Variants in NFIB observed in about 807,000 individuals in gnomAD.
The protein encoded by NFIB is nuclear factor 1 B-type.
Under a neutral mutation model 61.5 loss-of-function variants are expected in NFIB, and 11 were observed. The observed-to-expected ratio is 0.18, with a 90% CI of 0.11 to 0.30. The LOEUF (loss-of-function observed/expected upper bound fraction) is 0.30, where lower values mean the gene tolerates loss of function less well. NFIB is among the 10% of genes least tolerant of loss of function. NFIB has a pLI of 1.00. For missense variants in NFIB, 471 were observed against 608.9 expected, an observed-to-expected ratio of 0.77 and a Z score of 2.38; for synonymous variants, 260 against 216.5, an observed-to-expected ratio of 1.20 and a Z score of -1.76.
At chr9:14,207,786 A>T (rs2049898837) in intron 2 of NFIB, among the ~76,000 whole-genome samples, 1 of 152,204 alleles carries the variant, frequency 6.6e-6, no homozygotes, top group Non-Finnish European at 1.5e-5. Context: ...ACCAGAGTTC[A>T]AGGTCTGATG....
chr9:14,492,700 C>G, the NFIB span, among the ~76,000 whole-genome samples: 1 of 152,172 alleles, frequency 6.6e-6, no homozygotes, highest in African/African-American at 2.4e-5. Flanking sequence ...ATGATACAAT[C>G]ACCTCCCACC....
intron 3 of NFIB, among the ~76,000 whole-genome samples, chr9:14,158,720 T>C (rs2043768395): frequency 6.6e-6 from 1 of 152,240 alleles, no homozygotes; most frequent in South Asian, 2.1e-4. Flanking sequence ...ACCTCTGTTA[T>C]TCCCTAGAAC....
intron 2 of NFIB, among the ~76,000 whole-genome samples, chr9:14,194,125 T>C (rs1254300773): frequency 6.6e-6 from 1 of 152,248 alleles, no homozygotes; most frequent in Non-Finnish European, 1.5e-5. Context: ...AGTCAATCTA[T>C]GCCACATAAG....
chr9:14,289,463 G>C (rs923286610), intron 2 of NFIB, among the ~76,000 whole-genome samples: 2 of 151,186 alleles, frequency 1.3e-5, no homozygotes, highest in African/African-American at 2.4e-5. Context: ...TCACAAACTA[G>C]GTTCAATATA....
At chr9:14,103,102 T>G (rs1280064210) in intron 10 of NFIB, among the ~76,000 whole-genome samples, 2 of 152,186 alleles carry the variant, frequency 1.3e-5, no homozygotes, top group African/African-American at 4.8e-5. Context: ...AGTTTTATTT[T>G]AAACTCAGAG....
intron 2 of NFIB, among the ~76,000 whole-genome samples, chr9:14,248,326 C>T (rs1412341972): frequency 6.6e-6 from 1 of 150,872 alleles, no homozygotes; most frequent in East Asian, 1.9e-4. Flanking sequence ...CCCTTCCTTC[C>T]TTTCTTCCTT....
At chr9:14,346,395 G>A (rs12338722) in intron 1 of NFIB, among the ~76,000 whole-genome samples, 18 of 150,988 alleles carry the variant, frequency 1.2e-4, no homozygotes, top group Admixed American at 1.3e-4. Context: ...GATAGGAGCC[G>A]TCTGGCCAAG....
chr9:14,086,080 G>C lies in NFIB; in HGVS notation c.*2229C>G, dbSNP rs954595129. On this transcript the variant is annotated 3_prime_UTR_variant, in exon 11 of 11. Coordinates refer to ENST00000380953, the MANE Select transcript of NFIB (RefSeq NM_001190737.2). ...TACTATTGTGTTGTTATGAAAACCA[G>C]TAATGAGTTCAGCTTGCAACCCAGG... is the stretch of plus-strand genomic sequence containing the variant. 2 of 225,656 alleles carry C rather than the reference G, an allele frequency of 8.9e-6. No homozygotes were observed. Among genetic ancestry groups the C allele is most frequent in the African/African-American group, 4.5e-5 (2 of 44,890 alleles). 14.0% of individuals were successfully genotyped at this position (225,656 alleles called of 1,614,324 possible). A position where few individuals can be genotyped will look rare whatever the true frequency, so the allele number is the denominator to read the frequency against.
chr9:14,353,022 G>C (rs929115219), intron 1 of NFIB, among the ~76,000 whole-genome samples: 1 of 152,146 alleles, frequency 6.6e-6, no homozygotes, highest in Non-Finnish European at 1.5e-5. Flanking sequence ...ATTTCTTTCT[G>C]CTGGAGGGCA....
chr9:14,273,277 CA>C (rs2057759037), intron 2 of NFIB, among the ~76,000 whole-genome samples: 4 of 152,152 alleles, frequency 2.6e-5, no homozygotes, highest in Non-Finnish European at 5.9e-5. Context: ...CTCTACATGT[CA>C]AACTACAATA....
intron 6 of NFIB, among the ~76,000 whole-genome samples, chr9:14,137,688 A>G (rs2041220716): frequency 6.6e-6 from 1 of 152,208 alleles, no homozygotes; most frequent in African/African-American, 2.4e-5. Flanking sequence ...AGACTAGAAC[A>G]GAACTAAAAG....
chr9:14,148,755 C>A (rs1447606104), intron 5 of NFIB, among the ~76,000 whole-genome samples: 4 of 152,152 alleles, frequency 2.6e-5, no homozygotes, highest in Non-Finnish European at 5.9e-5. Context: ...TGTAGATACT[C>A]ATGATTAATA....
At chr9:14,309,843 T>C (rs750640534) in intron 1 of NFIB, among the ~76,000 whole-genome samples, 3 of 152,210 alleles carry the variant, frequency 2.0e-5, no homozygotes, top group Non-Finnish European at 4.4e-5. Context: ...AAAACACACA[T>C]ATATGCACTC....
the NFIB span, among the ~76,000 whole-genome samples, chr9:14,457,684 T>C: frequency 6.6e-6 from 1 of 151,960 alleles, no homozygotes; most frequent in African/African-American, 2.4e-5. Context: ...ATAAAGGGGT[T>C]ATCACCACCG....
At chr9:14,321,396 G>A (rs1199178790) in intron 1 of NFIB, among the ~76,000 whole-genome samples, 1 of 152,144 alleles carries the variant, frequency 6.6e-6, no homozygotes, top group Non-Finnish European at 1.5e-5. Flanking sequence ...ATGAGGGGAT[G>A]GGGGTTAGGA....
At chr9:14,337,055 C>T (rs1223479186) in intron 1 of NFIB, among the ~76,000 whole-genome samples, 3 of 152,168 alleles carry the variant, frequency 2.0e-5, no homozygotes, top group African/African-American at 7.2e-5. Context: ...GTTCTTCCAA[C>T]CATTTCAGAA....
intron 2 of NFIB, among the ~76,000 whole-genome samples, chr9:14,231,584 G>C (rs2053199430): frequency 6.6e-6 from 1 of 152,150 alleles, no homozygotes; most frequent in African/African-American, 2.4e-5. Flanking sequence ...GAAAAGAACA[G>C]ATTAACTCCC....
chr9:14,309,814 G>T (rs1000146525), intron 1 of NFIB, among the ~76,000 whole-genome samples: 1 of 152,146 alleles, frequency 6.6e-6, no homozygotes, highest in Non-Finnish European at 1.5e-5. Flanking sequence ...CTTTTACTAC[G>T]ATTTATTGAT....
At chr9:14,461,518 G>T in the NFIB span, among the ~76,000 whole-genome samples, 1 of 152,082 alleles carries the variant, frequency 6.6e-6, no homozygotes. Flanking sequence ...TTCCACTGTG[G>T]AACTACTTGC....
Sources: gnomAD v4.1 joint callset for allele counts (sites outside exome capture counted in the v4.1 genomes callset) on GRCh38, gnomAD v4.1.1 for gene constraint, MANE v1.5 for transcripts, NCBI Gene and HGNC (gene_info 2026-07-23, HGNC 2026-07-21) for gene names.